The following DPPA2 variants were observed in gnomAD, a reference collection of about 807,000 sequenced individuals.
DPPA2 encodes developmental pluripotency-associated protein 2.
DPPA2 carries 26 observed loss-of-function variants against 36.2 expected under a neutral mutation model. The observed-to-expected ratio is 0.72, with a 90% CI of 0.53 to 1.00. The LOEUF (loss-of-function observed/expected upper bound fraction) is 1.00, where lower values mean the gene tolerates loss of function less well. Among genes scored for constraint, DPPA2 ranks in the 50% least tolerant of loss-of-function variants. DPPA2 has a pLI of 0.00. For synonymous variants in DPPA2, 113 were observed against 123.2 expected (o/e 0.92, Z 0.55); for missense variants, 361 against 365.1 (o/e 0.99, Z 0.09).
chr3:109,298,344 G>C (rs1005813378), intron 8 of DPPA2, among the ~76,000 whole-genome samples: 1 of 152,158 alleles, frequency 6.6e-6, no homozygotes, highest in Non-Finnish European at 1.5e-5. Context: ...AACTCAGGGA[G>C]CCTGAGGTGG....
intron 7 of DPPA2, among the ~76,000 whole-genome samples, chr3:109,301,459 C>T (rs999437958): frequency 5.3e-5 from 8 of 152,034 alleles, no homozygotes; most frequent in African/African-American, 1.9e-4. Context: ...CCAGACCAGC[C>T]TGGCCAACAT....
At chr3:109,294,751 CG>C (rs2107296774) in intron 8 of DPPA2, among the ~76,000 whole-genome samples, 1 of 152,256 alleles carries the variant, frequency 6.6e-6, no homozygotes, top group South Asian at 2.1e-4. Context: ...TAGCTGGGCG[CG>C]GCGGCTCATG....
At chr3:109,307,741 A>G (rs1335607050) in intron 6 of DPPA2, among the ~76,000 whole-genome samples, 1 of 152,120 alleles carries the variant, frequency 6.6e-6, no homozygotes, top group African/African-American at 2.4e-5. Context: ...TAAATGCCTT[A>G]AGGAAGAGAG....
At chr3:109,303,447 C>G (rs574192788) in intron 7 of DPPA2, among the ~76,000 whole-genome samples, 3 of 151,704 alleles carry the variant, frequency 2.0e-5, no homozygotes, top group African/African-American at 7.3e-5. Flanking sequence ...CTCAGCTCAC[C>G]GCAACCTCTG....
Position 109,308,062 on chromosome 3 carries a change from A to G in DPPA2, c.628T>C (p.Ser210Pro). Residue 210 changes from serine to proline, a missense_variant, in exon 6 of 9, where the codon TCT becomes CCT. Transcript: ENST00000478945. ...GCTTGCATCAAAAAGGCCTCAACAG[A>G]AACAGGAATGGAACATGAATTCAAA... ...KALNSCSIPV[S>P]VEAFLMQASG... 6.2e-7 allele frequency: 1 copy of G among 1,614,230 alleles called. No homozygotes were observed. The highest frequency in any genetic ancestry group is 8.5e-7 in the Non-Finnish European group (1 of 1,180,020).
At chr3:109,311,971 T>C (rs1040439345) in intron 3 of DPPA2, among the ~76,000 whole-genome samples, 2 of 152,160 alleles carry the variant, frequency 1.3e-5, no homozygotes, top group Non-Finnish European at 2.9e-5. Context: ...GTGTTGGGAA[T>C]TTGAACTCAT....
chr3:109,301,327 C>CG (rs1707454044), intron 7 of DPPA2, among the ~76,000 whole-genome samples: 1 of 151,964 alleles, frequency 6.6e-6, no homozygotes. Flanking sequence ...CAGCTCCTCC[C>CG]CATTCATAAA....
Position 109,308,262 on chromosome 3 carries a change from A to T in DPPA2, c.428T>A (p.Leu143Ter). 1.2e-6 allele frequency: 2 copies of T among 1,614,250 alleles called. No homozygotes were observed. Among genetic ancestry groups the T allele is most frequent in the East Asian group, 4.5e-5 (2 of 44,884 alleles). ...DMPEMSQETR[L>*]QRCSRKRKAV... ...CTTGCGTTTCCTCGAACATCGCTGT[A>T]ATCTGGTCTCTTGTGACATTTCAGG... Residue 143 changes from leucine to a stop codon, truncating the protein, a stop_gained, in exon 6 of 9, where the codon TTA becomes TAA. Coordinates refer to ENST00000478945, the MANE Select transcript of DPPA2 (RefSeq NM_138815.4). LOFTEE classifies it high-confidence loss of function.
intron 3 of DPPA2, among the ~76,000 whole-genome samples, chr3:109,311,601 G>T (rs530256697): frequency 2.0e-5 from 3 of 151,912 alleles, no homozygotes; most frequent in East Asian, 1.9e-4. Context: ...TTAGCTGGGC[G>T]TGGTGGTGGG....
intron 8 of DPPA2, among the ~76,000 whole-genome samples, chr3:109,298,711 G>T (rs566554582): frequency 3.2e-5 from 3 of 92,730 alleles, no homozygotes; most frequent in African/African-American, 1.1e-4. Context: ...GTATGATTCT[G>T]TCTAAAAATA....
intron 7 of DPPA2, among the ~76,000 whole-genome samples, 175 bp downstream of exon 7, chr3:109,304,300 T>C (rs1445837346): frequency 1.3e-5 from 2 of 151,976 alleles, no homozygotes; most frequent in Non-Finnish European, 2.9e-5. Context: ...TAGCCACATT[T>C]ATTGAGTTGT....
chr3:109,312,791 T>G, intron 2 of DPPA2, 99 bp from the exon 3 acceptor site: 1 of 1,386,222 alleles, frequency 7.2e-7, no homozygotes, highest in Non-Finnish European at 9.8e-7. Context: ...GAGAAGACAG[T>G]AGGTGGATGG....
chr3:109,295,369 C>T (rs1707334632), intron 8 of DPPA2: 1 of 151,300 alleles, frequency 6.6e-6, no homozygotes, highest in African/African-American at 2.4e-5. Context: ...AAAGTACAAT[C>T]GTCTCTACTA....
intron 8 of DPPA2, among the ~76,000 whole-genome samples, chr3:109,300,022 C>A (rs1007692991): frequency 6.6e-6 from 1 of 152,026 alleles, no homozygotes; most frequent in Non-Finnish European, 1.5e-5. Flanking sequence ...TACATGGGAA[C>A]CCTATACTTT....
At chr3:109,314,489 T>C in intron 2 of DPPA2, 21 bp downstream of exon 2, 1 of 1,604,896 alleles carries the variant, frequency 6.2e-7, no homozygotes, top group East Asian at 2.2e-5. Context: ...AGAAAAGTAA[T>C]TCTATTAGAA....
In DPPA2 at chr3:109,293,845, T is replaced by C. The variant is rs545588860; in HGVS notation, c.*182A>G. 1.3e-5 allele frequency: 2 copies of C among 152,278 alleles called. No homozygotes were observed. Among genetic ancestry groups the C allele is most frequent in the Admixed American group, 1.3e-4 (2 of 15,270 alleles). 9.4% of individuals were successfully genotyped at this position (152,278 alleles called of 1,614,324 possible). On this transcript the variant is annotated 3_prime_UTR_variant, in exon 9 of 9. Transcript: ENST00000478945. ...GGGTTTTCAGACATACAGAAAGGGATTCTTTAGATGGGGCTGTGTCACTAG... is the reference window on the plus strand; with the variant it reads ...GGGTTTTCAGACATACAGAAAGGGACTCTTTAGATGGGGCTGTGTCACTAG...
chr3:109,299,128 C>T (rs1267535221), intron 8 of DPPA2, among the ~76,000 whole-genome samples: 1 of 150,468 alleles, frequency 6.6e-6, no homozygotes, highest in East Asian at 2.0e-4. Context: ...GAGGCTGAGG[C>T]AGGTGGATCA....
intron 8 of DPPA2, among the ~76,000 whole-genome samples, chr3:109,299,485 C>T (rs1707419589): frequency 6.6e-6 from 1 of 151,616 alleles, no homozygotes; most frequent in Non-Finnish European, 1.5e-5. Context: ...CCACTGCACT[C>T]CAGCCTGGGC....
intron 6 of DPPA2, 73 bp downstream of exon 6, chr3:109,307,959 C>T (rs1009480025): frequency 3.9e-5 from 59 of 1,517,142 alleles, no homozygotes; most frequent in Middle Eastern, 1.8e-4. Context: ...CCTTTGACCA[C>T]GTTTCAGTCT....
Sources: allele counts gnomAD v4.1 joint callset (sites outside exome capture counted in the v4.1 genomes callset), GRCh38; gene constraint gnomAD v4.1.1; transcripts MANE v1.5; gene names NCBI Gene and HGNC (gene_info 2026-07-23, HGNC 2026-07-21).